The following ZNF385B variants were observed in gnomAD, a reference collection of about 807,000 sequenced individuals.
ZNF385B encodes zinc finger protein 533.
Under a neutral mutation model 39.2 loss-of-function variants are expected in ZNF385B, and 23 were observed. The ratio of observed to expected loss-of-function variants is 0.59; its 90% CI spans 0.42 to 0.83. ZNF385B has a LOEUF of 0.83. ZNF385B is among the 40% of genes least tolerant of loss of function. ZNF385B has a pLI of 0.00. For synonymous variants in ZNF385B, 205 were observed against 222.6 expected, an observed-to-expected ratio of 0.92 and a Z score of 0.70; for missense variants, 552 against 598.9, an observed-to-expected ratio of 0.92 and a Z score of 0.82.
chr2:179,468,594 A>G (rs1453942446), intron 6 of ZNF385B, among the ~76,000 whole-genome samples: 1 of 152,214 alleles, frequency 6.6e-6, no homozygotes, highest in East Asian at 1.9e-4. Context: ...ATGGCTCTTT[A>G]TAGAGGAAAC....
chr2:179,657,060 A>T lies in ZNF385B; in HGVS notation c.299-112091T>A, dbSNP rs564238241. On this transcript the variant is annotated intron_variant, in intron 3 of 9. Coordinates refer to ENST00000410066, the MANE Select transcript of ZNF385B (RefSeq NM_152520.6). ...AGAAGCTCAGAAAGCCAGTTTGATA[A>T]GGGAAAGGAGAAGAATGGGAGGTCA... 1.1e-4 allele frequency among the ~76,000 whole-genome samples: 16 copies of T among 152,320 alleles called. No individual in the cohort carries two copies. The South Asian group carries it at 3.3e-3, about 32-fold the overall frequency.
At chr2:179,456,178 A>C (rs2050686002) in intron 6 of ZNF385B, among the ~76,000 whole-genome samples, 1 of 152,222 alleles carries the variant, frequency 6.6e-6, no homozygotes, top group African/African-American at 2.4e-5. Flanking sequence ...ACATCTCTGA[A>C]AACTCATCTG....
At chr2:179,631,110 A>G (rs1691167221) in intron 3 of ZNF385B, among the ~76,000 whole-genome samples, 1 of 152,246 alleles carries the variant, frequency 6.6e-6, no homozygotes, top group Admixed American at 6.5e-5. Flanking sequence ...GATATCATCC[A>G]GGAGAACTTC....
intron 6 of ZNF385B, among the ~76,000 whole-genome samples, chr2:179,448,350 A>G (rs1418581773): frequency 6.6e-6 from 1 of 152,126 alleles, no homozygotes; most frequent in African/African-American, 2.4e-5. Context: ...ATAAAGCAGC[A>G]AAATAATTCA....
chr2:179,626,146 A>G (rs1369757981), intron 3 of ZNF385B, among the ~76,000 whole-genome samples: 1 of 152,168 alleles, frequency 6.6e-6, no homozygotes, highest in East Asian at 1.9e-4. Context: ...CTGAAACATA[A>G]GTTTCACAAA....
chr2:179,840,720 T>A (rs1329671329), intron 1 of ZNF385B, among the ~76,000 whole-genome samples: 1 of 152,252 alleles, frequency 6.6e-6, no homozygotes, highest in Non-Finnish European at 1.5e-5. Context: ...ATTCATCAAG[T>A]ACTAGTGAGT....
At chr2:179,730,900 C>A (rs1484587162) in intron 3 of ZNF385B, among the ~76,000 whole-genome samples, 1 of 152,128 alleles carries the variant, frequency 6.6e-6, no homozygotes, top group Non-Finnish European at 1.5e-5. Flanking sequence ...CCACAATGAC[C>A]AGCATATTCT....
At chr2:179,727,710 G>C (rs915913118) in intron 3 of ZNF385B, among the ~76,000 whole-genome samples, 21 of 151,948 alleles carry the variant, frequency 1.4e-4, no homozygotes, top group Non-Finnish European at 2.1e-4. Flanking sequence ...AAACTGATTT[G>C]AATAACCACT....
chr2:179,616,363 T>G (rs1298676234), intron 3 of ZNF385B, among the ~76,000 whole-genome samples: 1 of 152,176 alleles, frequency 6.6e-6, no homozygotes, highest in Non-Finnish European at 1.5e-5. Flanking sequence ...AGACAGAGTC[T>G]TGCTCTGTCA....
Position 179,531,840 on chromosome 2 carries a change from G to C in ZNF385B, c.441+12987C>G, listed in dbSNP as rs544879985. On this transcript the variant is annotated intron_variant, in intron 4 of 9. Coordinates refer to ENST00000410066, the MANE Select transcript of ZNF385B (RefSeq NM_152520.6). ...TAGCTAGGAAAGTGGTCCTTGAGTG[G>C]TTCTGTGGAAAGTTGATAGCAAAAA... Among the ~76,000 whole-genome samples the C allele has an allele frequency of 3.3e-5, 5 of 152,192 alleles. No individual in the cohort carries two copies. In the South Asian group the frequency reaches 1.0e-3, roughly 32 times the overall value.
At chr2:179,667,018 A>C (rs1269000124) in intron 3 of ZNF385B, among the ~76,000 whole-genome samples, 5 of 152,212 alleles carry the variant, frequency 3.3e-5, no homozygotes, top group Admixed American at 2.6e-4. Flanking sequence ...TCAGTTAACA[A>C]CTTGCATAAT....
intron 1 of ZNF385B, among the ~76,000 whole-genome samples, chr2:179,820,264 C>A (rs1179395059): frequency 6.6e-6 from 1 of 152,032 alleles, no homozygotes; most frequent in Non-Finnish European, 1.5e-5. Flanking sequence ...GATTTCATTA[C>A]TTAATTTTTA....
intron 3 of ZNF385B, among the ~76,000 whole-genome samples, chr2:179,643,192 A>C (rs1041021925): frequency 1.3e-5 from 2 of 151,900 alleles, no homozygotes; most frequent in East Asian, 3.9e-4. Flanking sequence ...AATAACTAGT[A>C]TTCACCACAG....
At chr2:179,676,926 T>A (rs1055730226) in intron 3 of ZNF385B, among the ~76,000 whole-genome samples, 5 of 152,168 alleles carry the variant, frequency 3.3e-5, no homozygotes, top group African/African-American at 1.2e-4. Flanking sequence ...ATGGGCTTAA[T>A]GTCAGAAATT....
At chr2:179,549,662 C>A (rs542517166) in intron 3 of ZNF385B, among the ~76,000 whole-genome samples, 1 of 149,688 alleles carries the variant, frequency 6.7e-6, no homozygotes, top group African/African-American at 2.5e-5. Context: ...ATAAACTCTG[C>A]ATCATATTTC....
chr2:179,634,868 G>C lies in ZNF385B; in HGVS notation c.299-89899C>G, dbSNP rs188289673. Among the ~76,000 whole-genome samples, 20 of 151,724 alleles carry C rather than the reference G, an allele frequency of 1.3e-4. No individual in the cohort carries two copies. In the East Asian group the frequency reaches 3.7e-3, roughly 28 times the overall value. ...CACATGGCCGGTCGCCATGGCTCAC[G>C]CCTGTAATCTCAGCACTTTGGGAGG... On this transcript the variant is annotated intron_variant, in intron 3 of 9. Transcript: ENST00000410066.
At chr2:179,579,314 G>T (rs756065748) in intron 3 of ZNF385B, among the ~76,000 whole-genome samples, 3 of 151,794 alleles carry the variant, frequency 2.0e-5, no homozygotes, top group Non-Finnish European at 4.4e-5. Context: ...AGTGTTACTG[G>T]CTTACTGGTG....
At chr2:179,746,679 A>G (rs142271562) in intron 3 of ZNF385B, among the ~76,000 whole-genome samples, 3 of 152,252 alleles carry the variant, frequency 2.0e-5, no homozygotes, top group East Asian at 1.9e-4. Context: ...AAACCCATGT[A>G]TTTTTATCCC....
chr2:179,751,170 C>CCCCCCCCT (rs1702648954), intron 3 of ZNF385B, among the ~76,000 whole-genome samples: 2 of 147,258 alleles, frequency 1.4e-5, no homozygotes, highest in Non-Finnish European at 3.0e-5. Flanking sequence ...TCCCCACCCC[C>CCCCCCCCT]TGCCATGTCT....
Sources: allele counts gnomAD v4.1 joint callset (sites outside exome capture counted in the v4.1 genomes callset), GRCh38; gene constraint gnomAD v4.1.1; transcripts MANE v1.5; gene names NCBI Gene and HGNC (gene_info 2026-07-23, HGNC 2026-07-21).